Variants in FAM89A observed in about 807,000 individuals in gnomAD.
FAM89A encodes family with sequence similarity 89 member A, also known as protein FAM89A.
In FAM89A, 10 loss-of-function variants were observed where a neutral mutation model predicts 7.1. That is an observed-to-expected ratio of 1.40 (90% CI 0.86 to 2.38). The LOEUF (loss-of-function observed/expected upper bound fraction) is 2.38, where lower values mean the gene tolerates loss of function less well. Among genes scored for constraint, FAM89A ranks in the 30% most tolerant of loss-of-function variants. The pLI is 0.00. For missense variants in FAM89A, 276 were observed against 262.8 expected (o/e 1.05, Z -0.35); for synonymous variants, 157 against 129.3 (o/e 1.21, Z -1.45).
rs1185732669 is a variant in FAM89A at position 231,040,039 on chromosome 1, G to A, written c.173C>T (p.Ser58Leu). The A allele has an allele frequency of 7.6e-6, 11 of 1,445,710 alleles. No homozygotes were observed. The highest frequency in any genetic ancestry group is 1.0e-5 in the Non-Finnish European group (11 of 1,102,340). The allele number at this position is 1,445,710 out of a possible 1,614,324, so 89.6% of individuals were successfully genotyped here. Reference protein sequence around the residue: ...RHLERLYAQKSRIQDELSRGG... With the variant: ...RHLERLYAQKLRIQDELSRGG... ...GCGGCTCAGCTCGTCCTGGATGCGC[G>A]ACTTCTGCGCGTACAGCCGCTCCAG... is the stretch of plus-strand genomic sequence containing the variant. The change falls in exon 1 of 2, where the codon TCG becomes TTG. Residue 58 changes from serine (S) to leucine (L), a missense_variant. Ser to Leu is a moderately radical substitution (Grantham distance 145, BLOSUM62 -2). Coordinates refer to ENST00000366654, the MANE Select transcript of FAM89A (RefSeq NM_198552.3).
chr1:231,024,371 G>C (rs1679927129), intron 1 of FAM89A, among the ~76,000 whole-genome samples: 1 of 152,126 alleles, frequency 6.6e-6, no homozygotes, highest in Non-Finnish European at 1.5e-5. Context: ...GGTAAAAAGT[G>C]ATCATCTTGT....
intron 1 of FAM89A, 63 bp from the exon 2 acceptor site, chr1:231,020,189 A>G: frequency 6.7e-7 from 1 of 1,498,816 alleles, no homozygotes; most frequent in Non-Finnish European, 8.9e-7. Flanking sequence ...ATTTCAGTGG[A>G]ACACTCAGCC....
At chr1:231,038,249 G>A (rs1279928561) in intron 1 of FAM89A, among the ~76,000 whole-genome samples, 2 of 152,166 alleles carry the variant, frequency 1.3e-5, no homozygotes, top group African/African-American at 2.4e-5. Context: ...TAGGCTTACA[G>A]AGAGCTCTGG....
chr1:231,021,900 A>G (rs1382619285), intron 1 of FAM89A: 1 of 1,559,042 alleles, frequency 6.4e-7, no homozygotes, highest in African/African-American at 1.4e-5. Flanking sequence ...AGCAGTGACG[A>G]TGAGTTGTTG....
chr1:231,024,550 ATTT>A (rs1679931156), intron 1 of FAM89A, among the ~76,000 whole-genome samples: 1 of 150,888 alleles, frequency 6.6e-6, no homozygotes, highest in African/African-American at 2.4e-5. Flanking sequence ...ACACACACAC[ATTT>A]AGAGATGGAG....
intron 1 of FAM89A, among the ~76,000 whole-genome samples, chr1:231,039,264 C>A (rs1680211174): frequency 1.3e-5 from 2 of 152,254 alleles, no homozygotes; most frequent in South Asian, 4.1e-4. Context: ...AGCACCCAGA[C>A]CGGGAGGACA....
intron 1 of FAM89A, among the ~76,000 whole-genome samples, chr1:231,032,382 G>A (rs78069079): frequency 0.33 from 15,012 of 45,858 alleles, 1,119 homozygotes; most frequent in Non-Finnish European, 0.41. Flanking sequence ...CCCCGCCCCC[G>A]CCAGCCCCCA....
chr1:231,040,236 T>C lies in FAM89A; in HGVS notation c.-25A>G. Reference sequence around the variant, plus strand: ...TCGCGCCGCGGCCCGGCCACGCGCCTGCCCCGCTGCAGCGAACCAAGGCTT... The same window carrying C: ...TCGCGCCGCGGCCCGGCCACGCGCCCGCCCCGCTGCAGCGAACCAAGGCTT... On this transcript the variant is annotated 5_prime_UTR_variant, in exon 1 of 2. Coordinates refer to ENST00000366654, the MANE Select transcript of FAM89A (RefSeq NM_198552.3). 1 of 1,031,510 alleles carries C rather than the reference T, an allele frequency of 9.7e-7. No individual in the cohort carries two copies. The highest frequency in any genetic ancestry group is 1.2e-6 in the Non-Finnish European group (1 of 862,524). The allele number at this position is 1,031,510 out of a possible 1,614,324, so 63.9% of individuals were successfully genotyped here. A position where few individuals can be genotyped will look rare whatever the true frequency, so the allele number is the denominator to read the frequency against.
chr1:231,025,596 GC>G (rs1679956043), intron 1 of FAM89A, among the ~76,000 whole-genome samples: 1 of 152,012 alleles, frequency 6.6e-6, no homozygotes, highest in African/African-American at 2.4e-5. Context: ...ACCACTGCTT[GC>G]TCTTTTTCTT....
At chr1:231,032,961 G>A (rs961289168) in intron 1 of FAM89A, among the ~76,000 whole-genome samples, 7 of 152,208 alleles carry the variant, frequency 4.6e-5, no homozygotes, top group Non-Finnish European at 7.3e-5. Context: ...CATGGCTGTC[G>A]GGGCCAATCA....
Position 231,019,976 on chromosome 1 carries a change from A to G in FAM89A, c.442T>C (p.Tyr148His). Residue 148 changes from tyrosine (Y) to histidine (H), a missense_variant, in exon 2 of 2, where the codon TAT (tyrosine) becomes CAT (histidine). Physicochemically the swap from Tyr to His is moderately conservative, Grantham distance 83. Transcript: ENST00000366654. ...TGCAGGGAGTTCTGCTCCTGGAAATATTCCTCCTCTTCATCGAAGAAGCCG... is the reference window on the plus strand; with the variant it reads ...TGCAGGGAGTTCTGCTCCTGGAAATGTTCCTCCTCTTCATCGAAGAAGCCG... The part of the protein sequence containing the change: ...ENGFFDEEEE[Y>H]FQEQNSLHDR... 1 of 1,613,980 alleles carries G rather than the reference A, an allele frequency of 6.2e-7. No individual in the cohort carries two copies. Among genetic ancestry groups the G allele is most frequent in the Non-Finnish European group, 8.5e-7 (1 of 1,179,938 alleles).
intron 1 of FAM89A, 75 bp downstream of exon 1, chr1:231,039,846 A>G: frequency 1.6e-6 from 2 of 1,251,510 alleles, no homozygotes; most frequent in Non-Finnish European, 1.0e-6. Context: ...TTCCGGACAG[A>G]GCGCGGTCCC....
At chr1:231,020,165 A>G in intron 1 of FAM89A, 39 bp from the exon 2 acceptor site, 4 of 1,555,006 alleles carry the variant, frequency 2.6e-6, no homozygotes, top group Non-Finnish European at 8.7e-7. Flanking sequence ...ACGAGAAGTC[A>G]GCACTTGAGT....
intron 1 of FAM89A, chr1:231,021,886 G>C: frequency 6.3e-7 from 1 of 1,575,898 alleles, no homozygotes; most frequent in Non-Finnish European, 8.7e-7. Context: ...ACAGCTGCAT[G>C]GTGAGCAGTG....
At chr1:231,032,150 A>C (rs1278385825) in intron 1 of FAM89A, among the ~76,000 whole-genome samples, 1 of 152,246 alleles carries the variant, frequency 6.6e-6, no homozygotes, top group Non-Finnish European at 1.5e-5. Flanking sequence ...CTGTATGAAG[A>C]TTTAACAGTC....
At position 231,020,209 on chromosome 1, in the gene FAM89A, C is replaced by T. The variant is rs979582165; in HGVS notation, c.292-83G>A. ...AGTGGAACACTCAGCCGGCGATCTG[C>T]GCCTGCCAGCACATTCCTTCCACAC... On this transcript the variant is annotated intron_variant, in intron 1 of 1. Transcript: ENST00000366654. 3.2e-5 allele frequency: 44 copies of T among 1,366,242 alleles called. No individual in the cohort carries two copies. The East Asian group carries it at 4.2e-4, about 13-fold the overall frequency. 84.6% of individuals were successfully genotyped at this position (1,366,242 alleles called of 1,614,324 possible). A position where few individuals can be genotyped will look rare whatever the true frequency, so the allele number is the denominator to read the frequency against.
chr1:231,039,949 G>A lies in FAM89A; in HGVS notation c.263C>T (p.Ala88Val). ...CTCTTTGCGGAGCAGCGCCAGAGCG[G>A]CGTCCAGGTTGGGAGGCTTGGCGGG... ...ALPAKPPNLD[A>V]ALALLRKEMV... The change falls in exon 1 of 2, where the codon GCC (alanine) becomes GTC (valine). Residue 88 changes from alanine (A) to valine (V), a missense_variant. By Grantham distance (64) the Ala-to-Val change is moderately conservative (BLOSUM62 0). Transcript: ENST00000366654. 7.4e-7 allele frequency: 1 copy of A among 1,357,000 alleles called. No homozygotes were observed. The highest frequency in any genetic ancestry group is 9.4e-7 in the Non-Finnish European group (1 of 1,062,600). 84.1% of individuals were successfully genotyped at this position (1,357,000 alleles called of 1,614,324 possible).
Position 231,020,169 on chromosome 1 carries a change from C to T in FAM89A, c.292-43G>A, listed in dbSNP as rs192954459. The T allele has an allele frequency of 1.8e-5, 28 of 1,549,078 alleles. No individual in the cohort carries two copies. In the African/African-American group the frequency reaches 3.5e-4, roughly 20 times the overall value. ...GGAGGTAAAAAACGAGAAGTCAGCA[C>T]TTGAGTTTAATTTCAGTGGAACACT... On this transcript the variant is annotated intron_variant, in intron 1 of 1. Transcript: ENST00000366654.
At chr1:231,035,558 G>T (rs1451067646) in intron 1 of FAM89A, among the ~76,000 whole-genome samples, 1 of 152,158 alleles carries the variant, frequency 6.6e-6, no homozygotes, top group Non-Finnish European at 1.5e-5. Flanking sequence ...TAAGGTTGAT[G>T]ATCTAACCTC....
Sources: allele counts gnomAD v4.1 joint callset (sites outside exome capture counted in the v4.1 genomes callset), GRCh38; gene constraint gnomAD v4.1.1; transcripts MANE v1.5; gene names NCBI Gene and HGNC (gene_info 2026-07-23, HGNC 2026-07-21).